The following ZNF500 variants were observed in gnomAD, a reference collection of about 807,000 sequenced individuals.
ZNF500 encodes zinc finger protein with KRAB and SCAN domains 18.
A neutral mutation model predicts 30.1 loss-of-function variants in ZNF500; 31 were observed. The ratio of observed to expected loss-of-function variants is 1.03; its 90% CI spans 0.77 to 1.39. The LOEUF (loss-of-function observed/expected upper bound fraction) is 1.39, where lower values mean the gene tolerates loss of function less well. Among genes scored for constraint, ZNF500 ranks in the 40% most tolerant of loss-of-function variants. ZNF500 has a pLI of 0.00. For synonymous variants in ZNF500, 392 were observed against 282.0 expected (o/e 1.39, Z -3.91); for missense variants, 817 against 657.8 (o/e 1.24, Z -2.65).
rs147982153 is a variant in ZNF500, at chr16:4,765,869, G to A, written c.110C>T (p.Pro37Leu). 2 of 1,613,752 alleles carry A rather than the reference G, an allele frequency of 1.2e-6. No homozygotes were observed. Among genetic ancestry groups the A allele is most frequent in the East Asian group, 2.2e-5 (1 of 44,870 alleles). Residue 37 changes from proline to leucine, a missense_variant, in exon 2 of 6, where the codon CCC becomes CTC. Physicochemically the swap from Pro to Leu is moderately conservative, Grantham distance 98. Coordinates refer to ENST00000219478, the MANE Select transcript of ZNF500 (RefSeq NM_021646.4). ...GCTGGGGTCCTCCGTCTCCACGGAG[G>A]GCTCCTCTTCCAAGCAGAAGTCCTC... Reference protein sequence around the residue: ...VEEDFCLEEEPSVETEDPSPE... With the variant: ...VEEDFCLEEELSVETEDPSPE...
At position 4,765,571 on chromosome 16, in the gene ZNF500, C is replaced by A. The variant is rs1418280690; in HGVS notation, c.408G>T (p.Arg136Ser). Residue 136 changes from arginine (R) to serine (S), a missense_variant, in exon 2 of 6, where the codon AGG (arginine) becomes AGT (serine). Transcript: ENST00000219478. ...EGLQRKPRKHRQRGSELLSDD... is the reference protein window; with the variant it reads ...EGLQRKPRKHSQRGSELLSDD... ...TCAAAATGCCCCCACTCACCCGCTG[C>A]CTGTGTTTCCTGGGCTTCCGCTGCA... The A allele has an allele frequency of 6.3e-7, 1 of 1,594,394 alleles. No individual in the cohort carries two copies. Among genetic ancestry groups the A allele is most frequent in the Non-Finnish European group, 8.6e-7 (1 of 1,168,594 alleles).
chr16:4,765,841 A>G lies in ZNF500; in HGVS notation c.138T>C (p.Pro46=). The G allele has an allele frequency of 1.9e-6, 3 of 1,613,668 alleles. No homozygotes were observed. Among genetic ancestry groups the G allele is most frequent in the Non-Finnish European group, 2.5e-6 (3 of 1,179,946 alleles). The part of the protein sequence containing the change: ...EPSVETEDPS[P]ETFRQLFRLF... ...GCCGGAAGAGCTGGCGGAAAGTCTCAGGGCTGGGGTCCTCCGTCTCCACGG... is the reference window on the plus strand; with the variant it reads ...GCCGGAAGAGCTGGCGGAAAGTCTCGGGGCTGGGGTCCTCCGTCTCCACGG... The change falls in exon 2 of 6, where the codon CCT becomes CCC. Residue 46 remains proline (P), a synonymous_variant. Transcript: ENST00000219478.
At chr16:4,744,842 A>C (rs2081993151), downstream of ZNF500, 3 of 1,602,048 alleles carry the variant, frequency 1.9e-6, no homozygotes, top group African/African-American at 1.3e-5. Context: ...AGTCCCCACT[A>C]ATCAGCCTCT....
intron 5 of ZNF500, among the ~76,000 whole-genome samples, chr16:4,759,579 G>A: frequency 6.6e-6 from 1 of 152,010 alleles, no homozygotes; most frequent in South Asian, 2.1e-4. Context: ...CAGTCTGCTG[G>A]CCTGGCCTGC....
chr16:4,746,326 G>T (rs763866356), downstream of ZNF500: 2 of 1,566,618 alleles, frequency 1.3e-6, no homozygotes, highest in Non-Finnish European at 1.7e-6. Context: ...GCAGGTCACA[G>T]AGTTATCACA....
In ZNF500 at chr16:4,759,485, C is replaced by G. The variant is rs1258199451; in HGVS notation, c.760+1007G>C. ...GCATTATTTACAATGGAATATTCTT[C>G]AGCCTTAAAAAGGAAAAAAATTCTG... On this transcript the variant is annotated intron_variant, in intron 5 of 5. Transcript: ENST00000219478. Among the ~76,000 whole-genome samples, 8 of 152,284 alleles carry G rather than the reference C, an allele frequency of 5.3e-5. 1 individual carries two copies. The highest frequency in any genetic ancestry group is 1.2e-4 in the Non-Finnish European group (8 of 68,036).
At chr16:4,761,153 T>G (rs2082194653) in intron 4 of ZNF500, among the ~76,000 whole-genome samples, 1 of 151,904 alleles carries the variant, frequency 6.6e-6, no homozygotes, top group South Asian at 2.1e-4. Context: ...AAGGAAATGT[T>G]CGGCCGGGCG....
rs1025274756 is a variant in ZNF500 at position 4,767,111 on chromosome 16, G to A, written c.-193C>T. The A allele has an allele frequency of 6.6e-5, 10 of 152,368 alleles. No individual in the cohort carries two copies. The highest frequency in any genetic ancestry group is 2.4e-4 in the African/African-American group (10 of 41,478). The allele number at this position is 152,368 out of a possible 1,614,324, so 9.4% of individuals were successfully genotyped here. A position where few individuals can be genotyped will look rare whatever the true frequency, so the allele number is the denominator to read the frequency against. Reference sequence around the variant, plus strand: ...GCGGGCCTCAGGCTTGGCAGCCAGGGACGCCAGAGCCGGGGCCGAAGACCC... The same window carrying A: ...GCGGGCCTCAGGCTTGGCAGCCAGGAACGCCAGAGCCGGGGCCGAAGACCC... On this transcript the variant is annotated 5_prime_UTR_variant, in exon 1 of 6. Transcript: ENST00000219478.
intron 5 of ZNF500, among the ~76,000 whole-genome samples, chr16:4,759,152 G>GTGAGC (rs2082170763): frequency 6.6e-6 from 1 of 151,550 alleles, no homozygotes; most frequent in Non-Finnish European, 1.5e-5. Context: ...GGAGGTTGCA[G>GTGAGC]TGAGCTGAGC....
intron 5 of ZNF500, among the ~76,000 whole-genome samples, chr16:4,756,960 G>A (rs1468820306): frequency 6.6e-6 from 1 of 151,958 alleles, no homozygotes; most frequent in Non-Finnish European, 1.5e-5. Flanking sequence ...TCCAACCTGG[G>A]TGACAGAGTG....
rs1596491530 is a variant in ZNF500 at position 4,750,034 on chromosome 16, A to G, written c.*2342T>C. 1 of 152,660 alleles carries G rather than the reference A, an allele frequency of 6.6e-6. No homozygotes were observed. Among genetic ancestry groups the G allele is most frequent in the Non-Finnish European group, 1.5e-5 (1 of 68,430 alleles). 9.5% of individuals were successfully genotyped at this position (152,660 alleles called of 1,614,324 possible). A position where few individuals can be genotyped will look rare whatever the true frequency, so the allele number is the denominator to read the frequency against. ...GGGAGGCCACAGCCTCGGCAGGGGG[A>G]GGGAAGTGGGCAGACCCCAACCACA... On this transcript the variant is annotated 3_prime_UTR_variant, in exon 6 of 6. Transcript: ENST00000219478.
At chr16:4,747,137 G>C, downstream of ZNF500, 1 of 1,230,076 alleles carries the variant, frequency 8.1e-7, no homozygotes, top group Non-Finnish European at 1.1e-6. Context: ...TGCACCCACC[G>C]CACAGGGTGA....
At chr16:4,762,377 A>T (rs1217679172) in intron 3 of ZNF500, 42 bp from the exon 4 acceptor site, 4 of 1,568,654 alleles carry the variant, frequency 2.5e-6, no homozygotes, top group Non-Finnish European at 3.5e-6. Context: ...CAGCTCACCC[A>T]GTACTGCCCC....
intron 4 of ZNF500, among the ~76,000 whole-genome samples, chr16:4,761,470 CACAT>C (rs1272433094): frequency 6.3e-5 from 4 of 63,726 alleles, no homozygotes; most frequent in Admixed American, 2.1e-4. Flanking sequence ...AAAACAAATA[CACAT>C]ACATACACAC....
intron 5 of ZNF500, among the ~76,000 whole-genome samples, chr16:4,759,398 T>C (rs1326710962): frequency 1.3e-5 from 2 of 149,888 alleles, no homozygotes; most frequent in Non-Finnish European, 1.5e-5. Flanking sequence ...GCTGGATACA[T>C]CCACCCAGGA....
chr16:4,752,951 G>A lies in ZNF500; in HGVS notation c.868C>T (p.Leu290Phe). The A allele has an allele frequency of 6.2e-7, 1 of 1,610,990 alleles. No individual in the cohort carries two copies. The highest frequency in any genetic ancestry group is 1.1e-5 in the South Asian group (1 of 91,038). ...SARCQGPGHPLPGQRPAPVRG... is the reference protein window; with the variant it reads ...SARCQGPGHPFPGQRPAPVRG... Reference sequence around the variant, plus strand: ...ACTGGGGCTGGCCTCTGACCTGGGAGCGGGTGGCCAGGCCCCTGGCATCGT... The same window carrying A: ...ACTGGGGCTGGCCTCTGACCTGGGAACGGGTGGCCAGGCCCCTGGCATCGT... The change falls in exon 6 of 6, where the codon CTC becomes TTC. Residue 290 changes from leucine to phenylalanine, a missense_variant. Leu to Phe is a conservative substitution (Grantham distance 22). Coordinates refer to ENST00000219478, the MANE Select transcript of ZNF500 (RefSeq NM_021646.4).
At chr16:4,755,188 C>A (rs549040131) in intron 5 of ZNF500, among the ~76,000 whole-genome samples, 1 of 152,288 alleles carries the variant, frequency 6.6e-6, no homozygotes, top group East Asian at 1.9e-4. Context: ...ATACACAGGG[C>A]CTCACTATAT....
At chr16:4,762,798 C>A (rs1596505550) in intron 2 of ZNF500, 42 bp from the exon 3 acceptor site, 4 of 1,540,096 alleles carry the variant, frequency 2.6e-6, no homozygotes, top group South Asian at 2.4e-5. Context: ...CCCAGAAGGC[C>A]AGAAGGAAAA....
rs1421693739 is a variant in ZNF500 at position 4,752,520 on chromosome 16, A to G, written c.1299T>C (p.Gly433=). ...HFSAHRRTHT[G]EKPYTCPACG... ...AGGCCGGGCAGGTGTAGGGCTTCTC[A>G]CCTGTGTGCGTCCGGCGGTGGGCGC... Residue 433 remains glycine, a synonymous_variant, in exon 6 of 6, where the codon GGT becomes GGC. Coordinates refer to ENST00000219478, the MANE Select transcript of ZNF500 (RefSeq NM_021646.4). 6.4e-7 allele frequency: 1 copy of G among 1,559,650 alleles called. No individual in the cohort carries two copies. The highest frequency in any genetic ancestry group is 8.6e-7 in the Non-Finnish European group (1 of 1,157,386).
Sources: gnomAD v4.1 joint callset for allele counts (sites outside exome capture counted in the v4.1 genomes callset) on GRCh38, gnomAD v4.1.1 for gene constraint, MANE v1.5 for transcripts, NCBI Gene and HGNC (gene_info 2026-07-23, HGNC 2026-07-21) for gene names.